HHEX: variants seen among roughly 807,000 people sequenced by gnomAD.
HHEX encodes hematopoietically-expressed homeobox protein HHEX.
In HHEX, 8 loss-of-function variants were observed where a neutral mutation model predicts 27.0. The observed-to-expected ratio is 0.30, with a 90% CI of 0.17 to 0.54. HHEX has a LOEUF of 0.54. HHEX is among the 20% of genes least tolerant of loss of function. The probability of loss-of-function intolerance (pLI) is 0.95; values close to 1 mark genes in which losing one functional copy is unlikely to be tolerated. For missense variants in HHEX, 326 were observed against 357.2 expected, an observed-to-expected ratio of 0.91 and a Z score of 0.70; for synonymous variants, 164 against 161.5, an observed-to-expected ratio of 1.02 and a Z score of -0.12.
chr10:92,690,182 C>T lies in HHEX; in HGVS notation c.196C>T (p.Arg66Trp). 1 of 1,567,358 alleles carries T rather than the reference C, an allele frequency of 6.4e-7. No homozygotes were observed. Among genetic ancestry groups the T allele is most frequent in the Non-Finnish European group, 8.6e-7 (1 of 1,156,978 alleles). ...SSFTSLVSPY[R>W]TPVYEPTPIH... ...CTTCACCAGCCTCGTGTCCCCCTAC[C>T]GGACCCCGGTGTACGAGCCCACGCC... Residue 66 changes from arginine to tryptophan, a missense_variant, in exon 1 of 4, where the codon CGG becomes TGG. Coordinates refer to ENST00000282728, the MANE Select transcript of HHEX (RefSeq NM_002729.5).
In HHEX at chr10:92,694,991, A is replaced by T; in HGVS notation, c.*223A>T. The T allele has an allele frequency of 2.0e-6, 1 of 508,388 alleles. No homozygotes were observed. The highest frequency in any genetic ancestry group is 3.5e-6 in the Non-Finnish European group (1 of 285,252). The allele number at this position is 508,388 out of a possible 1,614,324, so 31.5% of individuals were successfully genotyped here. ...TATGTACTGCTCTTAGGTTGTTTTG[A>T]TAAAGTGACATTATAGTGATTAAAT... On this transcript the variant is annotated 3_prime_UTR_variant, in exon 4 of 4. Coordinates refer to ENST00000282728, the MANE Select transcript of HHEX (RefSeq NM_002729.5).
At chr10:92,692,324 G>T (rs931599532) in intron 1 of HHEX, 44 bp from the exon 2 acceptor site, 2 of 1,602,226 alleles carry the variant, frequency 1.2e-6, no homozygotes, top group East Asian at 4.5e-5. Context: ...GTCTGGCCAG[G>T]CCGCTCCAGG....
In HHEX at chr10:92,695,089, T is replaced by A. The variant is rs1845391268; in HGVS notation, c.*321T>A. The A allele has an allele frequency of 4.3e-6, 1 of 231,602 alleles. No individual in the cohort carries two copies. Among genetic ancestry groups the A allele is most frequent in the Admixed American group, 5.2e-5 (1 of 19,222 alleles). 14.3% of individuals were successfully genotyped at this position (231,602 alleles called of 1,614,324 possible). ...AATTAATTTTGAACTTTTTGTTAAA[T>A]TTTTAAGTTATAGCTTTAAAGGTTT... On this transcript the variant is annotated 3_prime_UTR_variant, in exon 4 of 4. Coordinates refer to ENST00000282728, the MANE Select transcript of HHEX (RefSeq NM_002729.5).
intron 3 of HHEX, among the ~76,000 whole-genome samples, chr10:92,693,238 T>A (rs1845374459): frequency 6.6e-6 from 1 of 152,238 alleles, no homozygotes. Flanking sequence ...AATTATTTTC[T>A]ATCTAATGCC....
In HHEX at chr10:92,690,150, A is replaced by C; in HGVS notation, c.164A>C (p.Asn55Thr). The C allele has an allele frequency of 1.3e-6, 2 of 1,551,858 alleles. No individual in the cohort carries two copies. Among genetic ancestry groups the C allele is most frequent in the East Asian group, 2.4e-5 (1 of 40,948 alleles). ...CCCGCCCCCACGCTGCCGTCCCCCA[A>C]CTCCTCCTTCACCAGCCTCGTGTCC... ...PTPAPTLPSP[N>T]SSFTSLVSPY... The change falls in exon 1 of 4, where the codon AAC (asparagine) becomes ACC (threonine). Residue 55 changes from asparagine to threonine, a missense_variant. Coordinates refer to ENST00000282728, the MANE Select transcript of HHEX (RefSeq NM_002729.5).
chr10:92,694,434 A>G lies in HHEX; in HGVS notation c.592-113A>G, dbSNP rs1845385117. ...ATAAGATTATAAACTGAAAACACTC[A>G]GTAAACTAAAAATTAAAAGATGGAA... On this transcript the variant is annotated intron_variant, in intron 3 of 3. Coordinates refer to ENST00000282728, the MANE Select transcript of HHEX (RefSeq NM_002729.5). 4 of 775,810 alleles carry G rather than the reference A, an allele frequency of 5.2e-6. No homozygotes were observed. The South Asian group carries it at 7.4e-5, about 14-fold the overall frequency. The allele number at this position is 775,810 out of a possible 1,614,324, so 48.1% of individuals were successfully genotyped here.
At position 92,692,633 on chromosome 10, in the gene HHEX, G is replaced by C. The variant is rs1011232541; in HGVS notation, c.541-69G>C. 5.6e-6 allele frequency: 9 copies of C among 1,604,986 alleles called. No homozygotes were observed. In the Admixed American group the frequency reaches 1.0e-4, roughly 18 times the overall value. On this transcript the variant is annotated intron_variant, in intron 2 of 3. Coordinates refer to ENST00000282728, the MANE Select transcript of HHEX (RefSeq NM_002729.5). ...GCCGGGCCACCGAGAGAGAGGCGAG[G>C]AGCCACCCTGCCCTCTGGCACGTCC...
Position 92,692,487 on chromosome 10 carries a change from T to A in HHEX, c.481T>A (p.Tyr161Asn), listed in dbSNP as rs1845366926. 1 of 1,613,550 alleles carries A rather than the reference T, an allele frequency of 6.2e-7. No homozygotes were observed. Among genetic ancestry groups the A allele is most frequent in the Admixed American group, 1.7e-5 (1 of 59,984 alleles). ...GGAGAAGAAATTCGAGACGCAGAAATATCTCTCTCCGCCCGAGAGGAAGCG... is the reference window on the plus strand; with the variant it reads ...GGAGAAGAAATTCGAGACGCAGAAAAATCTCTCTCCGCCCGAGAGGAAGCG... ...ELEKKFETQKYLSPPERKRLA... is the reference protein window; with the variant it reads ...ELEKKFETQKNLSPPERKRLA... Residue 161 changes from tyrosine to asparagine, a missense_variant, in exon 2 of 4, where the codon TAT (tyrosine) becomes AAT (asparagine). Physicochemically the swap from Tyr to Asn is moderately radical, Grantham distance 143. Around this residue, in one of 4 missense-constraint regions of HHEX, gnomAD observed 40 missense variants for 54.9 expected, o/e 0.73. Transcript: ENST00000282728.
intron 1 of HHEX, among the ~76,000 whole-genome samples, chr10:92,690,788 A>G (rs1845347804): frequency 6.6e-6 from 1 of 152,172 alleles, no homozygotes; most frequent in Non-Finnish European, 1.5e-5. Context: ...CATACAGGAA[A>G]TCTTGAGTTC....
At chr10:92,692,220 G>A in intron 1 of HHEX, 148 bp from the exon 2 acceptor site, 1 of 721,544 alleles carries the variant, frequency 1.4e-6, no homozygotes. Flanking sequence ...GTGGGAACGT[G>A]TTAGGTCCAC....
rs376915003 is a variant in HHEX at position 92,692,691 on chromosome 10, C to G, written c.541-11C>G. Reference sequence around the variant, plus strand: ...GGCTCGTTGCAAGTTTTCTTTCTCTCTTTCCTGTAGGTCAAAACCTGGTTT... The same window carrying G: ...GGCTCGTTGCAAGTTTTCTTTCTCTGTTTCCTGTAGGTCAAAACCTGGTTT... On this transcript the variant is annotated splice_polypyrimidine_tract_variant and intron_variant, in intron 2 of 3. Coordinates refer to ENST00000282728, the MANE Select transcript of HHEX (RefSeq NM_002729.5). 9 of 1,613,494 alleles carry G rather than the reference C, an allele frequency of 5.6e-6. No homozygotes were observed. Among genetic ancestry groups the G allele is most frequent in the East Asian group, 4.5e-5 (2 of 44,872 alleles).
rs1845364754 is a variant in HHEX, at chr10:92,692,370, A to G, written c.364A>G (p.Lys122Glu). The G allele has an allele frequency of 6.2e-7, 1 of 1,612,964 alleles. No individual in the cohort carries two copies. The highest frequency in any genetic ancestry group is 1.3e-5 in the African/African-American group (1 of 74,812). The change falls in exon 2 of 4, where the codon AAA becomes GAA. Residue 122 changes from lysine (K) to glutamate (E), a missense_variant and splice_region_variant. By Grantham distance (56) the Lys-to-Glu change is moderately conservative. Coordinates refer to ENST00000282728, the MANE Select transcript of HHEX (RefSeq NM_002729.5). Reference sequence around the variant, plus strand: ...AGCGCCGCTCTTCCCGCTCGCAGGCAAACCTCTACTCTGGAGCCCCTTCTT... The same window carrying G: ...AGCGCCGCTCTTCCCGCTCGCAGGCGAACCTCTACTCTGGAGCCCCTTCTT... ...HALLRHDPLG[K>E]PLLWSPFLQR...
intron 1 of HHEX, 95 bp downstream of exon 1, chr10:92,690,442 C>T (rs1845342127): frequency 1.5e-6 from 2 of 1,331,122 alleles, no homozygotes; most frequent in African/African-American, 1.6e-5. Flanking sequence ...AGGCGGTAGA[C>T]GGCTGTGGCA....
In HHEX at chr10:92,694,871, C is replaced by A. The variant is rs1589623709; in HGVS notation, c.*103C>A. The A allele has an allele frequency of 4.8e-6, 4 of 840,488 alleles. No homozygotes were observed. The East Asian group carries it at 1.0e-4, about 22-fold the overall frequency. 52.1% of individuals were successfully genotyped at this position (840,488 alleles called of 1,614,324 possible). ...TGGAAGGCTATATAAGAAAGGGAAT[C>A]AATTCTCTGGTATTCTGGAAACCTA... is the stretch of plus-strand genomic sequence containing the variant. On this transcript the variant is annotated 3_prime_UTR_variant, in exon 4 of 4. Transcript: ENST00000282728.
At position 92,694,649 on chromosome 10, in the gene HHEX, G is replaced by T. The variant is rs772927960; in HGVS notation, c.694G>T (p.Asp232Tyr). Reference protein sequence around the residue: ...PSEQNKGASLDSSQCSPSPAS... With the variant: ...PSEQNKGASLYSSQCSPSPAS... ...TGAACAGAATAAAGGTGCTTCTTTG[G>T]ATAGCTCTCAATGTTCGCCCTCCCC... Residue 232 changes from aspartate to tyrosine, a missense_variant, in exon 4 of 4, where the codon GAT becomes TAT. Physicochemically the swap from Asp to Tyr is radical, Grantham distance 160. Around this residue, in one of 4 missense-constraint regions of HHEX, gnomAD observed 68 missense variants for 84.9 expected, o/e 0.80. Coordinates refer to ENST00000282728, the MANE Select transcript of HHEX (RefSeq NM_002729.5). 6.2e-7 allele frequency: 1 copy of T among 1,613,942 alleles called. No homozygotes were observed. Among genetic ancestry groups the T allele is most frequent in the Non-Finnish European group, 8.5e-7 (1 of 1,179,960 alleles).
At chr10:92,692,264 G>C in intron 1 of HHEX, 104 bp from the exon 2 acceptor site, 1 of 1,166,104 alleles carries the variant, frequency 8.6e-7, no homozygotes. Flanking sequence ...TGTCTGGTTG[G>C]GTGGCCTCCT....
At position 92,690,173 on chromosome 10, in the gene HHEX, T is replaced by C; in HGVS notation, c.187T>C (p.Ser63Pro). 6.4e-7 allele frequency: 1 copy of C among 1,562,346 alleles called. No individual in the cohort carries two copies. Among genetic ancestry groups the C allele is most frequent in the South Asian group, 1.2e-5 (1 of 85,036 alleles). The change falls in exon 1 of 4, where the codon TCC becomes CCC. Residue 63 changes from serine (S) to proline (P), a missense_variant. By Grantham distance (74) the Ser-to-Pro change is moderately conservative (BLOSUM62 -1). Around this residue, in one of 4 missense-constraint regions of HHEX, gnomAD observed 215 missense variants for 196.4 expected, o/e 1.09. Coordinates refer to ENST00000282728, the MANE Select transcript of HHEX (RefSeq NM_002729.5). ...SPNSSFTSLV[S>P]PYRTPVYEPT... ...CAACTCCTCCTTCACCAGCCTCGTG[T>C]CCCCCTACCGGACCCCGGTGTACGA...
rs1175383623 is a variant in HHEX at position 92,694,482 on chromosome 10, T to G, written c.592-65T>G. ...GAATAGGATGAAGAGACATTTTGATTTATTCCTCTCACCTATCCATATTTT... is the reference window on the plus strand; with the variant it reads ...GAATAGGATGAAGAGACATTTTGATGTATTCCTCTCACCTATCCATATTTT... On this transcript the variant is annotated intron_variant, in intron 3 of 3. Coordinates refer to ENST00000282728, the MANE Select transcript of HHEX (RefSeq NM_002729.5). 3 of 1,191,170 alleles carry G rather than the reference T, an allele frequency of 2.5e-6. No homozygotes were observed. In the East Asian group the frequency reaches 7.1e-5, roughly 28 times the overall value. 73.8% of individuals were successfully genotyped at this position (1,191,170 alleles called of 1,614,324 possible).
rs546230628 is a variant in HHEX at position 92,690,009 on chromosome 10, C to T, written c.23C>T (p.Pro8Leu). 2.7e-6 allele frequency: 4 copies of T among 1,472,210 alleles called. No homozygotes were observed. Among genetic ancestry groups the T allele is most frequent in the East Asian group, 2.7e-5 (1 of 36,482 alleles). The allele number at this position is 1,472,210 out of a possible 1,614,324, so 91.2% of individuals were successfully genotyped here. A position where few individuals can be genotyped will look rare whatever the true frequency, so the allele number is the denominator to read the frequency against. ...GCCATGCAGTACCCGCACCCCGGGCCGGCGGCGGGCGCCGTGGGGGTGCCG... is the reference window on the plus strand; with the variant it reads ...GCCATGCAGTACCCGCACCCCGGGCTGGCGGCGGGCGCCGTGGGGGTGCCG... MQYPHPG[P>L]AAGAVGVPLY... The change falls in exon 1 of 4, where the codon CCG becomes CTG. Residue 8 changes from proline to leucine, a missense_variant. Pro to Leu is a moderately conservative substitution (Grantham distance 98, BLOSUM62 -3). Around this residue, in one of 4 missense-constraint regions of HHEX, gnomAD observed 215 missense variants for 196.4 expected, o/e 1.09. Transcript: ENST00000282728.
Sources: gnomAD v4.1 joint callset for allele counts (sites outside exome capture counted in the v4.1 genomes callset) on GRCh38, gnomAD v4.1.1 for gene constraint, gnomAD v4.1.1 regional missense constraint, MANE v1.5 for transcripts, NCBI Gene and HGNC (gene_info 2026-07-23, HGNC 2026-07-21) for gene names.